The following TRAPPC9 variants were observed in gnomAD, a reference collection of about 807,000 sequenced individuals.
The protein encoded by TRAPPC9 is IKK2 binding protein.
TRAPPC9 carries 83 observed loss-of-function variants against 124.0 expected under a neutral mutation model. The ratio of observed to expected loss-of-function variants is 0.67; its 90% CI spans 0.56 to 0.80. TRAPPC9 has a LOEUF of 0.80. TRAPPC9 is among the 30% of genes least tolerant of loss of function. TRAPPC9 has a pLI of 0.00. For missense variants in TRAPPC9, 1,302 were observed against 1,508.3 expected (o/e 0.86, Z 2.27); for synonymous variants, 638 against 617.5 (o/e 1.03, Z -0.49).
intron 16 of TRAPPC9, among the ~76,000 whole-genome samples, chr8:140,225,262 G>T (rs2063421442): frequency 6.6e-6 from 1 of 152,138 alleles, no homozygotes; most frequent in Admixed American, 6.5e-5. Flanking sequence ...CTAACAAATT[G>T]TAAGCCCTCA....
intron 6 of TRAPPC9, among the ~76,000 whole-genome samples, chr8:140,401,276 T>C (rs1163710028): frequency 6.6e-6 from 1 of 152,234 alleles, no homozygotes; most frequent in Non-Finnish European, 1.5e-5. Flanking sequence ...ATAATTACTA[T>C]GTCAGAAAGG....
chr8:139,785,249 G>A (rs929109697), intron 21 of TRAPPC9, among the ~76,000 whole-genome samples: 7 of 152,152 alleles, frequency 4.6e-5, no homozygotes, highest in African/African-American at 1.4e-4. Flanking sequence ...CAGTCCCTAC[G>A]TTGTATTCTG....
chr8:140,458,296 C>T (rs1380355825), upstream of TRAPPC9: 4 of 1,559,182 alleles, frequency 2.6e-6, no homozygotes, highest in Non-Finnish European at 3.5e-6. Flanking sequence ...CTTCAGGGCG[C>T]GCAGCTCAAA....
At chr8:140,350,409 G>T (rs2067524311) in intron 9 of TRAPPC9, among the ~76,000 whole-genome samples, 1 of 152,206 alleles carries the variant, frequency 6.6e-6, no homozygotes, top group Admixed American at 6.5e-5. Context: ...GTGACATTTA[G>T]ACTTCTCCTA....
At chr8:139,882,695 G>A (rs894432604) in intron 21 of TRAPPC9, among the ~76,000 whole-genome samples, 28 of 152,154 alleles carry the variant, frequency 1.8e-4, no homozygotes, top group African/African-American at 6.8e-4. Flanking sequence ...GGTCTCAGAG[G>A]AAACAATAGT....
intron 16 of TRAPPC9, among the ~76,000 whole-genome samples, chr8:140,250,958 G>A (rs964398860): frequency 3.3e-5 from 5 of 152,106 alleles, no homozygotes; most frequent in Non-Finnish European, 7.4e-5. Flanking sequence ...TTTTCTCTCT[G>A]ACCTTAGAAG....
chr8:140,109,831 GCAGGC>G (rs1289588756), intron 17 of TRAPPC9, among the ~76,000 whole-genome samples: 1 of 152,206 alleles, frequency 6.6e-6, no homozygotes, highest in African/African-American at 2.4e-5. Flanking sequence ...CCTGGGCCAC[GCAGGC>G]CAGCCTGCCT....
At chr8:139,906,503 G>C (rs763288637) in intron 20 of TRAPPC9, among the ~76,000 whole-genome samples, 1 of 152,178 alleles carries the variant, frequency 6.6e-6, no homozygotes, top group African/African-American at 2.4e-5. Flanking sequence ...GGAGGCTACT[G>C]AGTTTAACCC....
chr8:139,732,370 G>C (rs1344235532), intron 21 of TRAPPC9, among the ~76,000 whole-genome samples, 168 bp from the exon 22 acceptor site: 2 of 152,218 alleles, frequency 1.3e-5, no homozygotes, highest in Non-Finnish European at 2.9e-5. Context: ...ACCAGTTCCT[G>C]GTCTCCGGAA....
chr8:139,996,670 T>C (rs1029510620), intron 18 of TRAPPC9, among the ~76,000 whole-genome samples: 2 of 152,180 alleles, frequency 1.3e-5, no homozygotes, highest in African/African-American at 2.4e-5. Context: ...CCAAAAAGAA[T>C]TGGCAAATGA....
At chr8:140,239,084 G>T (rs2063795900) in intron 16 of TRAPPC9, among the ~76,000 whole-genome samples, 1 of 152,186 alleles carries the variant, frequency 6.6e-6, no homozygotes, top group Admixed American at 6.5e-5. Flanking sequence ...AGCTGGCTTG[G>T]GGGCACCAGG....
At chr8:140,214,775 G>A (rs908720657) in intron 17 of TRAPPC9, among the ~76,000 whole-genome samples, 2 of 152,056 alleles carry the variant, frequency 1.3e-5, no homozygotes, top group Admixed American at 6.5e-5. Context: ...AGTCATGAAC[G>A]TGGACAGACA....
chr8:140,363,651 G>A (rs1352462362), intron 8 of TRAPPC9, among the ~76,000 whole-genome samples: 1 of 151,552 alleles, frequency 6.6e-6, no homozygotes, highest in African/African-American at 2.4e-5. Flanking sequence ...AGGCTGGAGT[G>A]CAATGCCACG....
chr8:139,976,299 A>G (rs1836460276), intron 19 of TRAPPC9, among the ~76,000 whole-genome samples: 1 of 152,212 alleles, frequency 6.6e-6, no homozygotes, highest in African/African-American at 2.4e-5. Flanking sequence ...AGGATTATGG[A>G]CATAAATGTA....
At chr8:139,731,262 T>A (rs1563768264) in intron 22 of TRAPPC9, 34 bp from the exon 23 acceptor site, 1 of 1,610,348 alleles carries the variant, frequency 6.2e-7, no homozygotes, top group African/African-American at 1.3e-5. Context: ...ATCAGTCTGG[T>A]CAGCAGCAGG....
rs1011727159 is a variant in TRAPPC9, at chr8:139,961,577, T to C, written c.2810+27149A>G. 1.9e-4 allele frequency among the ~76,000 whole-genome samples: 24 copies of C among 124,030 alleles called. 4 individuals carry two copies. The highest frequency in any genetic ancestry group is 5.6e-4 in the African/African-American group (22 of 39,338). 81.4% of individuals were successfully genotyped at this position (124,030 alleles called of 152,430 possible). ...AACAGGCAGGAACTGCCTTCCCAGG[T>C]GTGGTTGCAGCCATCCTCCCAGGTG... On this transcript the variant is annotated intron_variant, in intron 19 of 22. Coordinates refer to ENST00000438773, the MANE Select transcript of TRAPPC9 (RefSeq NM_001160372.4).
intron 19 of TRAPPC9, among the ~76,000 whole-genome samples, chr8:139,951,312 T>C (rs1351983088): frequency 6.6e-6 from 1 of 152,196 alleles, no homozygotes; most frequent in African/African-American, 2.4e-5. Flanking sequence ...GAGCTACTCA[T>C]TTTTTTCTGT....
intron 9 of TRAPPC9, among the ~76,000 whole-genome samples, chr8:140,344,156 C>A (rs1429187228): frequency 6.6e-6 from 1 of 152,094 alleles, no homozygotes; most frequent in Non-Finnish European, 1.5e-5. Flanking sequence ...AAAGGAGATC[C>A]CAGAGAGCTC....
At chr8:140,263,920 T>C (rs538468332) in intron 15 of TRAPPC9, among the ~76,000 whole-genome samples, 5 of 152,232 alleles carry the variant, frequency 3.3e-5, no homozygotes, top group Admixed American at 2.0e-4. Flanking sequence ...CGCCGAGATA[T>C]GCAAGTGGGA....
Sources: gnomAD v4.1 joint callset for allele counts (sites outside exome capture counted in the v4.1 genomes callset) on GRCh38, gnomAD v4.1.1 for gene constraint, MANE v1.5 for transcripts, NCBI Gene and HGNC (gene_info 2026-07-23, HGNC 2026-07-21) for gene names.